The following STARD9 variants were observed in gnomAD, a reference collection of about 807,000 sequenced individuals.
STARD9 encodes the protein StAR related lipid transfer domain containing 9, also known as stAR-related lipid transfer protein 9.
A neutral mutation model predicts 399.8 loss-of-function variants in STARD9; 346 were observed. That is an observed-to-expected ratio of 0.87 (90% confidence interval 0.79 to 0.95). The LOEUF (loss-of-function observed/expected upper bound fraction) is 0.95, where lower values mean the gene tolerates loss of function less well. Ranked by LOEUF, STARD9 falls within the 40% of genes least tolerant of loss-of-function variation. STARD9 has a pLI of 0.00. For missense variants in STARD9, 5,832 were observed against 5,667.5 expected (o/e 1.03, Z -0.93); for synonymous variants, 2,203 against 2,143.5 (o/e 1.03, Z -0.77).
At chr15:42,707,446 A>G (rs914312403) in intron 26 of STARD9, among the ~76,000 whole-genome samples, 1 of 151,784 alleles carries the variant, frequency 6.6e-6, no homozygotes, top group Non-Finnish European at 1.5e-5. Flanking sequence ...TTAAACACCT[A>G]GGCAGAATAC....
rs1371853529 is a variant in STARD9 at position 42,681,445 on chromosome 15, A to C, written c.1898A>C (p.Asp633Ala). 1 of 1,536,742 alleles carries C rather than the reference A, an allele frequency of 6.5e-7. No homozygotes were observed. Among genetic ancestry groups the C allele is most frequent in the African/African-American group, 1.4e-5 (1 of 73,004 alleles). Residue 633 changes from aspartate to alanine, a missense_variant, in exon 21 of 33, where the codon GAC becomes GCC. Physicochemically the swap from Asp to Ala is moderately radical, Grantham distance 126. Transcript: ENST00000290607. ...KERRALEEQC[D>A]EDHQTPRDGE... The stretch of plus-strand genomic sequence containing the variant: ...AGGAGAGCGCTTGAAGAGCAATGTG[A>C]CGAGGACCATCAGACACCGAGGGAT...
intron 3 of STARD9, among the ~76,000 whole-genome samples, chr15:42,588,218 G>A (rs966402493): frequency 6.6e-6 from 1 of 152,002 alleles, no homozygotes; most frequent in Non-Finnish European, 1.5e-5. Flanking sequence ...ATGTGTGTGT[G>A]TGTGTGTGTC....
intron 16 of STARD9, chr15:42,671,493 T>G (rs1399040167): frequency 6.6e-6 from 1 of 152,174 alleles, no homozygotes; most frequent in Non-Finnish European, 1.5e-5. Flanking sequence ...GGTTGGGTCG[T>G]ACATTCTAAA....
chr15:42,629,206 A>C (rs1308110017), intron 3 of STARD9, among the ~76,000 whole-genome samples: 2 of 152,002 alleles, frequency 1.3e-5, no homozygotes, highest in Non-Finnish European at 2.9e-5. Flanking sequence ...TTTTTTGTAG[A>C]GACAAGGTCT....
intron 3 of STARD9, among the ~76,000 whole-genome samples, chr15:42,600,536 T>C (rs1249432211): frequency 6.6e-6 from 1 of 151,614 alleles, no homozygotes; most frequent in Admixed American, 6.6e-5. Context: ...CTTTTTTTTT[T>C]TTTTTTGAGA....
rs770315375 is a variant in STARD9, at chr15:42,687,956, G to C, written c.6378G>C (p.Arg2126Ser). The C allele has an allele frequency of 1.3e-6, 2 of 1,537,348 alleles. No individual in the cohort carries two copies. The highest frequency in any genetic ancestry group is 1.7e-6 in the Non-Finnish European group (2 of 1,146,952). The change falls in exon 23 of 33, where the codon AGG (arginine) becomes AGC (serine). Residue 2126 changes from arginine (R) to serine (S), a missense_variant. Arg to Ser is a moderately radical substitution (Grantham distance 110, BLOSUM62 -1). This residue lies in a region of STARD9 where 5,828 missense variants were observed against 5,651.1 expected (regional missense o/e 1.03). Transcript: ENST00000290607. The part of the protein sequence containing the change: ...SPRQTDDTVF[R>S]DSEAGAMEVN... ...GACAGACAGATGATACTGTCTTTAGGGATAGTGAAGCTGGAGCGATGGAGG... is the reference window on the plus strand; with the variant it reads ...GACAGACAGATGATACTGTCTTTAGCGATAGTGAAGCTGGAGCGATGGAGG...
chr15:42,584,212 C>G (rs1238954161), intron 2 of STARD9, among the ~76,000 whole-genome samples: 1 of 152,090 alleles, frequency 6.6e-6, no homozygotes, highest in Non-Finnish European at 1.5e-5. Flanking sequence ...TATTTGGACC[C>G]CAGTCTTCAC....
intron 16 of STARD9, chr15:42,671,994 T>TC (rs1221540020): frequency 2.0e-5 from 3 of 152,262 alleles, no homozygotes; most frequent in Admixed American, 6.5e-5. Flanking sequence ...TTTACTCCCT[T>TC]CCTTGTGCAT....
chr15:42,661,934 T>C (rs1041385359), intron 10 of STARD9, among the ~76,000 whole-genome samples: 4 of 152,212 alleles, frequency 2.6e-5, no homozygotes, highest in Non-Finnish European at 4.4e-5. Flanking sequence ...ACAACTTTTC[T>C]CTTTGATTTA....
chr15:42,659,860 C>T (rs2059959473), intron 9 of STARD9, among the ~76,000 whole-genome samples: 1 of 152,068 alleles, frequency 6.6e-6, no homozygotes, highest in Admixed American at 6.6e-5. Context: ...CCATATGACC[C>T]AGCAATTCTA....
rs1306152034 is a variant in STARD9 at position 42,689,370 on chromosome 15, C to G, written c.7792C>G (p.Gln2598Glu). 6.5e-7 allele frequency: 1 copy of G among 1,537,182 alleles called. No individual in the cohort carries two copies. Among genetic ancestry groups the G allele is most frequent in the Non-Finnish European group, 8.7e-7 (1 of 1,146,936 alleles). Reference protein sequence around the residue: ...SRVAGRPQCKQIDQSSSDQTR... With the variant: ...SRVAGRPQCKEIDQSSSDQTR... ...GGTTGCTGGCAGGCCTCAGTGTAAA[C>G]AAATAGACCAGTCATCATCAGACCA... The change falls in exon 23 of 33, where the codon CAA becomes GAA. Residue 2598 changes from glutamine to glutamate, a missense_variant. Coordinates refer to ENST00000290607, the MANE Select transcript of STARD9 (RefSeq NM_020759.3).
chr15:42,596,803 T>C (rs541869863), intron 3 of STARD9, among the ~76,000 whole-genome samples: 31 of 152,348 alleles, frequency 2.0e-4, no homozygotes, highest in African/African-American at 7.5e-4. Flanking sequence ...ATTAGCTTAT[T>C]AAAATATTTT....
chr15:42,685,202 T>A lies in STARD9; in HGVS notation c.3624T>A (p.Ile1208=). 1 of 1,537,216 alleles carries A rather than the reference T, an allele frequency of 6.5e-7. No homozygotes were observed. Among genetic ancestry groups the A allele is most frequent in the Non-Finnish European group, 8.7e-7 (1 of 1,146,928 alleles). Residue 1208 remains isoleucine (I), a synonymous_variant, in exon 23 of 33, where the codon ATT becomes ATA. Transcript: ENST00000290607. ...GGAGCTTCTCCTTGGATAGCCTGAT[T>A]GATGCAGAGGAAGAACTGGGGGAAG... ...THRSFSLDSL[I]DAEEELGEDQ...
At chr15:42,603,164 CTTTT>C (rs1372841809) in intron 3 of STARD9, among the ~76,000 whole-genome samples, 2 of 152,092 alleles carry the variant, frequency 1.3e-5, no homozygotes, top group African/African-American at 4.8e-5. Flanking sequence ...TAAAAATAGA[CTTTT>C]TATTTATTTA....
chr15:42,630,529 G>A (rs1338913531), intron 3 of STARD9, among the ~76,000 whole-genome samples: 1 of 152,052 alleles, frequency 6.6e-6, no homozygotes, highest in Non-Finnish European at 1.5e-5. Flanking sequence ...TTCTTTAAAT[G>A]TTTGGTAAAA....
At chr15:42,680,122 T>A (rs1242591147) in intron 20 of STARD9, among the ~76,000 whole-genome samples, 4 of 152,184 alleles carry the variant, frequency 2.6e-5, no homozygotes, top group African/African-American at 9.7e-5. Context: ...CCCATACAGT[T>A]GGCTCCTTTA....
At chr15:42,667,734 C>A (rs1049547494) in intron 15 of STARD9, among the ~76,000 whole-genome samples, 1 of 152,158 alleles carries the variant, frequency 6.6e-6, no homozygotes, top group Non-Finnish European at 1.5e-5. Flanking sequence ...TTACCTCAGC[C>A]TCCCAAAGTG....
intron 26 of STARD9, among the ~76,000 whole-genome samples, chr15:42,714,033 A>G (rs997567695): frequency 4.7e-5 from 7 of 150,432 alleles, no homozygotes; most frequent in East Asian, 3.9e-4. Context: ...AGTATCTTAA[A>G]TTTGTAAATA....
At chr15:42,636,140 T>A (rs974014939) in intron 4 of STARD9, among the ~76,000 whole-genome samples, 2 of 152,020 alleles carry the variant, frequency 1.3e-5, no homozygotes, top group Non-Finnish European at 2.9e-5. Flanking sequence ...CTACAAAAAA[T>A]ACAAAAGTTA....
Sources: gnomAD v4.1 joint callset for allele counts (sites outside exome capture counted in the v4.1 genomes callset) on GRCh38, gnomAD v4.1.1 for gene constraint, gnomAD v4.1.1 regional missense constraint, MANE v1.5 for transcripts, NCBI Gene and HGNC (gene_info 2026-07-23, HGNC 2026-07-21) for gene names.